RBFOX1: variants seen among roughly 807,000 people sequenced by gnomAD.
The protein encoded by RBFOX1 is RNA binding fox-1 homolog 1.
Under a neutral mutation model 57.7 loss-of-function variants are expected in RBFOX1, and 8 were observed. The observed-to-expected ratio is 0.14, with a 90% CI of 0.08 to 0.25. RBFOX1 has a LOEUF of 0.25. Among genes scored for constraint, RBFOX1 ranks in the 10% least tolerant of loss-of-function variants. The pLI is 1.00. For synonymous variants in RBFOX1, 326 were observed against 222.4 expected, an observed-to-expected ratio of 1.47 and a Z score of -4.15; for missense variants, 611 against 548.5, an observed-to-expected ratio of 1.11 and a Z score of -1.14.
chr16:5,417,511 G>C (rs1276970948), intron 1 of RBFOX1, among the ~76,000 whole-genome samples: 1 of 143,112 alleles, frequency 7.0e-6, no homozygotes, highest in African/African-American at 2.6e-5. Flanking sequence ...TCACCACCGT[G>C]TGTGGCTTCT....
chr16:7,156,826 G>T (rs1005890142), intron 4 of RBFOX1, among the ~76,000 whole-genome samples: 4 of 151,946 alleles, frequency 2.6e-5, no homozygotes, highest in Non-Finnish European at 5.9e-5. Context: ...CACAATTATA[G>T]GATAATTTCT....
intron 3 of RBFOX1, among the ~76,000 whole-genome samples, chr16:5,816,515 T>C (rs1397539290): frequency 6.6e-6 from 1 of 152,166 alleles, no homozygotes; most frequent in East Asian, 1.9e-4. Context: ...TTCTCAATTA[T>C]TATGCCTGGC....
At chr16:6,910,775 G>T (rs8056547) in intron 3 of RBFOX1, among the ~76,000 whole-genome samples, 3 of 152,080 alleles carry the variant, frequency 2.0e-5, no homozygotes, top group East Asian at 1.9e-4. Flanking sequence ...AAAACCATCA[G>T]ATCCTACGTC....
chr16:6,836,980 A>C (rs149931710), intron 3 of RBFOX1, among the ~76,000 whole-genome samples: 5 of 152,132 alleles, frequency 3.3e-5, no homozygotes, highest in Non-Finnish European at 7.3e-5. Context: ...GGGTGGATGG[A>C]TGAATGACTC....
At chr16:7,034,883 CTG>C (rs1356944183) in intron 3 of RBFOX1, among the ~76,000 whole-genome samples, 1 of 26,238 alleles carries the variant, frequency 3.8e-5, no homozygotes, top group African/African-American at 1.8e-4. Context: ...GAGTCCTGCT[CTG>C]TTGCCCAGGC....
chr16:6,680,515 G>A (rs1002723838), intron 3 of RBFOX1, among the ~76,000 whole-genome samples: 5 of 151,880 alleles, frequency 3.3e-5, no homozygotes, highest in Admixed American at 3.3e-4. Flanking sequence ...CGCCTGCCTC[G>A]GCCTCCCAAA....
chr16:6,483,661 G>A, intron 2 of RBFOX1: 2 of 1,116,890 alleles, frequency 1.8e-6, no homozygotes, highest in African/African-American at 1.7e-5. Context: ...GAAGCCCACT[G>A]ACTCCGCGGG....
rs77010600 is a variant in RBFOX1 at position 5,673,322 on chromosome 16, A to G, written c.318+74361A>G. 2.0e-5 allele frequency among the ~76,000 whole-genome samples: 3 copies of G among 152,274 alleles called. No individual in the cohort carries two copies. In the East Asian group the frequency reaches 5.8e-4, roughly 30 times the overall value. The stretch of plus-strand genomic sequence containing the variant: ...GGCACCCAGGAGCCAGGCAGGAAGC[A>G]GGTTCCAAGGTCGACAGGGTTGATA... On this transcript the variant is annotated intron_variant, in intron 3 of 19. Transcript: ENST00000641259.
intron 14 of RBFOX1, among the ~76,000 whole-genome samples, chr16:7,695,000 T>TA (rs1231665205): frequency 1.3e-5 from 2 of 152,014 alleles, no homozygotes; most frequent in Non-Finnish European, 2.9e-5. Flanking sequence ...CCCTGCCTTA[T>TA]AAGCAAGTGA....
At chr16:7,301,020 G>A (rs1216374116) in intron 4 of RBFOX1, among the ~76,000 whole-genome samples, 1 of 146,272 alleles carries the variant, frequency 6.8e-6, no homozygotes, top group African/African-American at 2.5e-5. Flanking sequence ...CCCATTTATT[G>A]ATGTTGGAGA....
intron 1 of RBFOX1, among the ~76,000 whole-genome samples, chr16:6,194,712 C>T (rs964816848): frequency 2.6e-5 from 4 of 152,174 alleles, no homozygotes; most frequent in Admixed American, 1.3e-4. Flanking sequence ...CATTCATGGG[C>T]ACTCCAAATA....
At chr16:7,654,009 G>A (rs1324533844) in intron 12 of RBFOX1, 62 bp downstream of exon 12, 4 of 1,433,394 alleles carry the variant, frequency 2.8e-6, no homozygotes, top group Non-Finnish European at 3.6e-6. Flanking sequence ...CAGAGGCACG[G>A]AGCTGTTTGC....
At chr16:6,979,366 T>A (rs996757409) in intron 3 of RBFOX1, among the ~76,000 whole-genome samples, 4 of 124,452 alleles carry the variant, frequency 3.2e-5, no homozygotes, top group African/African-American at 1.0e-4. Flanking sequence ...ATGAAAACAT[T>A]AGTTGAACCT....
At chr16:6,350,425 G>GAGTGAAAC (rs1567992599) in intron 2 of RBFOX1, among the ~76,000 whole-genome samples, 2 of 111,584 alleles carry the variant, frequency 1.8e-5, no homozygotes, top group African/African-American at 6.9e-5. Flanking sequence ...TGGGCAACAA[G>GAGTGAAAC]AGTGAAACTC....
chr16:5,742,341 CTAA>C (rs1188062591), intron 3 of RBFOX1, among the ~76,000 whole-genome samples: 4 of 96,494 alleles, frequency 4.1e-5, no homozygotes, highest in Non-Finnish European at 9.3e-5. Flanking sequence ...CCTTCCTCTC[CTAA>C]CTTTCCTTCC....
At chr16:7,346,958 G>A (rs1256950708) in intron 4 of RBFOX1, among the ~76,000 whole-genome samples, 4 of 152,272 alleles carry the variant, frequency 2.6e-5, no homozygotes, top group African/African-American at 4.8e-5. Context: ...TGTAGTGCAT[G>A]AACAATTGAA....
chr16:7,599,525 G>A (rs913125686), intron 9 of RBFOX1, among the ~76,000 whole-genome samples: 2 of 152,054 alleles, frequency 1.3e-5, no homozygotes, highest in Non-Finnish European at 2.9e-5. Context: ...TATGCATTAT[G>A]TGAGGCATTT....
intron 1 of RBFOX1, among the ~76,000 whole-genome samples, chr16:5,454,117 A>T (rs2068509730): frequency 6.6e-6 from 1 of 152,162 alleles, no homozygotes; most frequent in South Asian, 2.1e-4. Flanking sequence ...GTTTTATTTG[A>T]AGTTTGGATT....
At chr16:5,338,056 G>T (rs567832206) in intron 1 of RBFOX1, among the ~76,000 whole-genome samples, 1 of 152,194 alleles carries the variant, frequency 6.6e-6, no homozygotes, top group Admixed American at 6.5e-5. Flanking sequence ...AAAAGAAAAA[G>T]AAAATAATTT....
Sources: allele counts gnomAD v4.1 joint callset (sites outside exome capture counted in the v4.1 genomes callset), GRCh38; gene constraint gnomAD v4.1.1; transcripts MANE v1.5; gene names NCBI Gene and HGNC (gene_info 2026-07-23, HGNC 2026-07-21).